The following ARL15 variants were observed in gnomAD, a reference collection of about 807,000 sequenced individuals.
The protein encoded by ARL15 is ARF like GTPase 15.
Under a neutral mutation model 25.2 loss-of-function variants are expected in ARL15, and 19 were observed. That is an observed-to-expected ratio of 0.75 (90% CI 0.53 to 1.10). The LOEUF (loss-of-function observed/expected upper bound fraction) is 1.10, where lower values mean the gene tolerates loss of function less well. Ranked by LOEUF, ARL15 falls within the 50% of genes least tolerant of loss-of-function variation. The pLI is 0.00. For synonymous variants in ARL15, 94 were observed against 86.8 expected, an observed-to-expected ratio of 1.08 and a Z score of -0.46; for missense variants, 220 against 246.0, an observed-to-expected ratio of 0.89 and a Z score of 0.71.
At chr5:54,257,501 C>G (rs1757399154) in intron 1 of ARL15, among the ~76,000 whole-genome samples, 1 of 152,142 alleles carries the variant, frequency 6.6e-6, no homozygotes, top group Admixed American at 6.5e-5. Flanking sequence ...TTAGGAATTC[C>G]TATTTGGAAG....
At chr5:54,158,993 C>T (rs1234640785) in intron 2 of ARL15, among the ~76,000 whole-genome samples, 1 of 152,126 alleles carries the variant, frequency 6.6e-6, no homozygotes, top group East Asian at 1.9e-4. Flanking sequence ...GCATTTTGTC[C>T]AATTTTGAGC....
At chr5:54,148,659 T>A (rs967613640) in intron 3 of ARL15, among the ~76,000 whole-genome samples, 1 of 152,152 alleles carries the variant, frequency 6.6e-6, no homozygotes, top group Non-Finnish European at 1.5e-5. Context: ...CCTTTCTCAA[T>A]GTCAATTGCG....
chr5:54,010,045 A>T (rs180949324), intron 4 of ARL15, among the ~76,000 whole-genome samples: 2 of 152,196 alleles, frequency 1.3e-5, no homozygotes, highest in African/African-American at 2.4e-5. Context: ...CCACAAAGAA[A>T]GGGAGAATGA....
intron 1 of ARL15, among the ~76,000 whole-genome samples, chr5:54,253,419 T>C (rs1453224410): frequency 6.6e-6 from 1 of 152,032 alleles, no homozygotes; most frequent in Non-Finnish European, 1.5e-5. Flanking sequence ...CCCAGGGAGC[T>C]GGGAGTAGAG....
At chr5:53,982,779 T>C (rs887995780) in intron 4 of ARL15, among the ~76,000 whole-genome samples, 3 of 152,224 alleles carry the variant, frequency 2.0e-5, no homozygotes, top group African/African-American at 7.2e-5. Flanking sequence ...CCACAATGGT[T>C]GAACTAATTT....
intron 4 of ARL15, among the ~76,000 whole-genome samples, chr5:53,919,038 A>G (rs1745757757): frequency 6.6e-6 from 1 of 152,172 alleles, no homozygotes; most frequent in South Asian, 2.1e-4. Flanking sequence ...TATAAACACC[A>G]GGTGTGAGTG....
At chr5:54,117,724 T>C (rs1752948949) in intron 3 of ARL15, among the ~76,000 whole-genome samples, 1 of 152,180 alleles carries the variant, frequency 6.6e-6, no homozygotes, top group Admixed American at 6.5e-5. Context: ...CATTTTTACT[T>C]GAAATTTCAA....
intron 1 of ARL15, among the ~76,000 whole-genome samples, chr5:54,180,898 A>G (rs1406467673): frequency 6.6e-6 from 1 of 152,194 alleles, no homozygotes; most frequent in African/African-American, 2.4e-5. Flanking sequence ...GGCTTTGCAG[A>G]GGGGCAGACA....
chr5:53,923,709 G>C (rs1745926808), intron 4 of ARL15, among the ~76,000 whole-genome samples: 1 of 151,940 alleles, frequency 6.6e-6, no homozygotes, highest in Non-Finnish European at 1.5e-5. Context: ...TTAAAAACCT[G>C]ATTATATTAG....
chr5:54,084,223 C>T (rs1561217564), intron 4 of ARL15, among the ~76,000 whole-genome samples: 1 of 152,106 alleles, frequency 6.6e-6, no homozygotes, highest in Non-Finnish European at 1.5e-5. Context: ...TGTAACCAAA[C>T]CCAGAAGGGG....
chr5:54,126,678 G>A (rs557331280), intron 3 of ARL15, among the ~76,000 whole-genome samples: 1 of 152,274 alleles, frequency 6.6e-6, no homozygotes, highest in African/African-American at 2.4e-5. Flanking sequence ...TTATAAAAAG[G>A]CTTCAGGCTG....
At chr5:54,275,722 T>C (rs1757911189) in intron 1 of ARL15, among the ~76,000 whole-genome samples, 1 of 151,772 alleles carries the variant, frequency 6.6e-6, no homozygotes. Flanking sequence ...TCTCACTCTG[T>C]CACCCAGACT....
At chr5:54,031,667 C>A (rs927098971) in intron 4 of ARL15, among the ~76,000 whole-genome samples, 1 of 152,160 alleles carries the variant, frequency 6.6e-6, no homozygotes, top group Non-Finnish European at 1.5e-5. Context: ...TACCAAAAAA[C>A]AAATTCCAAA....
chr5:54,122,968 A>G (rs1231366399), intron 3 of ARL15, among the ~76,000 whole-genome samples: 5 of 152,150 alleles, frequency 3.3e-5, no homozygotes, highest in African/African-American at 4.8e-5. Context: ...AGAGCAGGCC[A>G]TTGATATTTA....
intron 4 of ARL15, among the ~76,000 whole-genome samples, chr5:54,082,708 C>A (rs977209788): frequency 6.6e-6 from 1 of 152,124 alleles, no homozygotes; most frequent in African/African-American, 2.4e-5. Flanking sequence ...TGCTCTTGCA[C>A]CTTTAATGCT....
rs146749650 is a variant in ARL15, at chr5:54,059,837, C to A, written c.462+53365G>T. Among the ~76,000 whole-genome samples, 21 of 152,180 alleles carry A rather than the reference C, an allele frequency of 1.4e-4. No individual in the cohort carries two copies. The East Asian group carries it at 3.9e-3, about 28-fold the overall frequency. On this transcript the variant is annotated intron_variant, in intron 4 of 4. Coordinates refer to ENST00000504924, the MANE Select transcript of ARL15 (RefSeq NM_019087.3). ...GTGTATAAAAAACAGTTTTATGGAA[C>A]ATTAATGCTTGTATTTCATATTCTA...
chr5:54,132,242 C>T (rs1228523183), intron 3 of ARL15, among the ~76,000 whole-genome samples: 1 of 151,972 alleles, frequency 6.6e-6, no homozygotes, highest in East Asian at 1.9e-4. Flanking sequence ...ATGTCTTATA[C>T]TACCATATAG....
chr5:54,096,693 A>T (rs1752298348), intron 4 of ARL15, among the ~76,000 whole-genome samples: 1 of 152,190 alleles, frequency 6.6e-6, no homozygotes, highest in South Asian at 2.1e-4. Flanking sequence ...TACAGGTGTG[A>T]GCCACCGTGC....
intron 1 of ARL15, among the ~76,000 whole-genome samples, chr5:54,188,415 C>T (rs1755297854): frequency 6.6e-6 from 1 of 152,122 alleles, no homozygotes; most frequent in Non-Finnish European, 1.5e-5. Flanking sequence ...CCATCCTGAA[C>T]AGACTGCTTA....
Sources: allele counts gnomAD v4.1 joint callset (sites outside exome capture counted in the v4.1 genomes callset), GRCh38; gene constraint gnomAD v4.1.1; transcripts MANE v1.5; gene names NCBI Gene and HGNC (gene_info 2026-07-23, HGNC 2026-07-21).